ADAMTSL3: variants seen among roughly 807,000 people sequenced by gnomAD.
ADAMTSL3 encodes the protein ADAMTS-like protein 3.
ADAMTSL3 carries 128 observed loss-of-function variants against 201.7 expected under a neutral mutation model. The observed-to-expected ratio is 0.63, with a 90% confidence interval of 0.55 to 0.73. The LOEUF is 0.73. Ranked by LOEUF, ADAMTSL3 falls within the 30% of genes least tolerant of loss-of-function variation. The pLI, the probability that ADAMTSL3 is intolerant of heterozygous loss-of-function variation, is 0.00. For synonymous variants in ADAMTSL3, 738 were observed against 748.4 expected (o/e 0.99, Z 0.23); for missense variants, 1,990 against 2,119.6 (o/e 0.94, Z 1.20).
At chr15:83,741,828 A>G (rs1276486683) in intron 3 of ADAMTSL3, among the ~76,000 whole-genome samples, 2 of 152,032 alleles carry the variant, frequency 1.3e-5, no homozygotes, top group South Asian at 2.1e-4. Context: ...TAGACCCCTT[A>G]TCTACAAACA....
At chr15:83,823,895 CTTCTTCTT>C (rs2063939817) in intron 6 of ADAMTSL3, among the ~76,000 whole-genome samples, 2 of 15,094 alleles carry the variant, frequency 1.3e-4, no homozygotes, top group Admixed American at 1.7e-3. Flanking sequence ...TCTTCTTCCT[CTTCTTCTT>C]CTTCTTCTTC....
chr15:83,670,258 C>CAAAAAAAAAAA (rs60947988), intron 2 of ADAMTSL3, among the ~76,000 whole-genome samples: 40 of 64,508 alleles, frequency 6.2e-4, no homozygotes, highest in Middle Eastern at 0.012. Context: ...ACTCTGTCTC[C>CAAAAAAAAAAA]AAAAAAAAAA....
chr15:83,838,044 TC>T, intron 6 of ADAMTSL3, 44 bp from the exon 7 acceptor site: 1 of 1,581,722 alleles, frequency 6.3e-7, no homozygotes, highest in Non-Finnish European at 8.6e-7. Context: ...GAGCTCCCCC[TC>T]CCCTGGCTTT....
At position 83,831,425 on chromosome 15, in the gene ADAMTSL3, G is replaced by A. The variant is rs1475267628; in HGVS notation, c.601-6664G>A. On this transcript the variant is annotated intron_variant, in intron 6 of 29. Coordinates refer to ENST00000286744, the MANE Select transcript of ADAMTSL3 (RefSeq NM_207517.3). Reference sequence around the variant, plus strand: ...GGAAAGATACAACTACAGCCAGAGGGGATGTCAGGTTCAGGAAGAATGTCT... The same window carrying A: ...GGAAAGATACAACTACAGCCAGAGGAGATGTCAGGTTCAGGAAGAATGTCT... 2.0e-5 allele frequency among the ~76,000 whole-genome samples: 3 copies of A among 152,238 alleles called. No homozygotes were observed. The South Asian group carries it at 6.2e-4, about 32-fold the overall frequency.
chr15:83,858,718 G>A (rs2064792989), intron 7 of ADAMTSL3, 48 bp from the exon 8 acceptor site: 1 of 1,433,736 alleles, frequency 7.0e-7, no homozygotes, highest in African/African-American at 1.4e-5. Flanking sequence ...ATTTTCATGG[G>A]CCTTTAGTGT....
intron 3 of ADAMTSL3, among the ~76,000 whole-genome samples, chr15:83,754,299 A>G (rs1248522696): frequency 6.6e-6 from 1 of 152,212 alleles, no homozygotes; most frequent in Non-Finnish European, 1.5e-5. Context: ...ATCTGACTGC[A>G]GGCCTTGTTC....
rs956772745 is a variant in ADAMTSL3, at chr15:83,970,533, A to G, written c.2540A>G (p.Gln847Arg). The G allele has an allele frequency of 1.2e-6, 2 of 1,614,114 alleles. No homozygotes were observed. The highest frequency in any genetic ancestry group is 2.7e-5 in the African/African-American group (2 of 74,950). The change falls in exon 20 of 30, where the codon CAA becomes CGA. Residue 847 changes from glutamine (Q) to arginine (R), a missense_variant. Physicochemically the swap from Gln to Arg is conservative, Grantham distance 43. Coordinates refer to ENST00000286744, the MANE Select transcript of ADAMTSL3 (RefSeq NM_207517.3). The stretch of plus-strand genomic sequence containing the variant: ...ATCCAGAGAAGAAAGCAGGTGTGTC[A>G]AAGGCTGGCAGCCAAAGGTCGGCGC... The part of the protein sequence containing the change: ...VGIQRRKQVC[Q>R]RLAAKGRRIP...
chr15:83,686,853 C>T (rs2061542920), intron 2 of ADAMTSL3, among the ~76,000 whole-genome samples: 1 of 152,108 alleles, frequency 6.6e-6, no homozygotes, highest in Admixed American at 6.5e-5. Flanking sequence ...AAATGTAATG[C>T]AAGCCACATA....
intron 19 of ADAMTSL3, among the ~76,000 whole-genome samples, chr15:83,968,392 G>A (rs1306151095): frequency 6.6e-6 from 1 of 152,218 alleles, no homozygotes; most frequent in Non-Finnish European, 1.5e-5. Context: ...CTCCAAAGGA[G>A]ACATTTATGC....
chr15:83,830,692 A>G (rs2064137794), intron 6 of ADAMTSL3, among the ~76,000 whole-genome samples: 1 of 152,124 alleles, frequency 6.6e-6, no homozygotes, highest in Admixed American at 6.6e-5. Context: ...ATTTTCTCAC[A>G]CTTCTAGAGG....
intron 27 of ADAMTSL3, among the ~76,000 whole-genome samples, chr15:84,026,914 T>C (rs1466990099): frequency 2.0e-5 from 3 of 151,986 alleles, no homozygotes; most frequent in African/African-American, 7.2e-5. Context: ...ACAACAAAAA[T>C]AGATAAATTG....
At chr15:83,907,378 A>C (rs2065858887) in intron 15 of ADAMTSL3, among the ~76,000 whole-genome samples, 1 of 152,148 alleles carries the variant, frequency 6.6e-6, no homozygotes, top group African/African-American at 2.4e-5. Flanking sequence ...TAAAATGAAT[A>C]AATTGGCATT....
At position 83,701,730 on chromosome 15, in the gene ADAMTSL3, TC is replaced by T. The variant is rs537366734; in HGVS notation, c.70-2655del. 1.3e-3 allele frequency among the ~76,000 whole-genome samples: 192 copies of T among 152,276 alleles called. 1 individual carries two copies. Among genetic ancestry groups the T allele is most frequent in the Admixed American group, 0.011 (172 of 15,298 alleles). On this transcript the variant is annotated intron_variant, in intron 2 of 29. Transcript: ENST00000286744. ...TGCCTCCTGCCATGATTCTGAGGCC[TC>T]CCCAGCCATGTCGAACTGTAAGTCC...
intron 23 of ADAMTSL3, among the ~76,000 whole-genome samples, chr15:83,999,905 T>G (rs963820119): frequency 3.9e-5 from 6 of 152,194 alleles, no homozygotes; most frequent in African/African-American, 1.4e-4. Flanking sequence ...TGAGAAAATA[T>G]TTGTGGTGCA....
intron 2 of ADAMTSL3, among the ~76,000 whole-genome samples, chr15:83,695,720 G>A (rs1479225254): frequency 6.6e-6 from 1 of 152,124 alleles, no homozygotes; most frequent in Non-Finnish European, 1.5e-5. Context: ...AAAAAAATGT[G>A]AAAAGTCCTT....
intron 6 of ADAMTSL3, among the ~76,000 whole-genome samples, chr15:83,825,659 C>T (rs543778401): frequency 1.3e-5 from 2 of 152,038 alleles, no homozygotes; most frequent in African/African-American, 4.8e-5. Flanking sequence ...TTTAGTCTGG[C>T]CTCAAGGAGC....
chr15:83,784,695 T>C (rs2141803464), intron 4 of ADAMTSL3, among the ~76,000 whole-genome samples: 1 of 152,282 alleles, frequency 6.6e-6, no homozygotes, highest in South Asian at 2.1e-4. Flanking sequence ...TGATATTAAA[T>C]ATATACTTAA....
rs2068542047 is a variant in ADAMTSL3 at position 84,038,008 on chromosome 15, A to G, written c.*202A>G. The G allele has an allele frequency of 2.5e-6, 2 of 790,878 alleles. No individual in the cohort carries two copies. The highest frequency in any genetic ancestry group is 2.1e-5 in the South Asian group (1 of 46,694). 49.0% of individuals were successfully genotyped at this position (790,878 alleles called of 1,614,324 possible). On this transcript the variant is annotated 3_prime_UTR_variant, in exon 30 of 30. Coordinates refer to ENST00000286744, the MANE Select transcript of ADAMTSL3 (RefSeq NM_207517.3). ...TTTTATATTCCAATTTTTTAAAATG[A>G]TGTATTCAAGGATGAACAAAATACT...
At chr15:83,910,459 T>TG (rs1428354518) in intron 15 of ADAMTSL3, among the ~76,000 whole-genome samples, 1 of 100,670 alleles carries the variant, frequency 9.9e-6, no homozygotes, top group South Asian at 3.2e-4. Context: ...TTAGTTGCCG[T>TG]GGGTTTTTTT....
Sources: gnomAD v4.1 joint callset for allele counts (sites outside exome capture counted in the v4.1 genomes callset) on GRCh38, gnomAD v4.1.1 for gene constraint, MANE v1.5 for transcripts, NCBI Gene and HGNC (gene_info 2026-07-23, HGNC 2026-07-21) for gene names.